ATP11A: variants seen among roughly 807,000 people sequenced by gnomAD.
ATP11A encodes the protein phospholipid-transporting ATPase IH.
Under a neutral mutation model 154.4 loss-of-function variants are expected in ATP11A, and 81 were observed. That is an observed-to-expected ratio of 0.52 (90% CI 0.44 to 0.63). The LOEUF (loss-of-function observed/expected upper bound fraction) is 0.63, where lower values mean the gene tolerates loss of function less well. ATP11A is among the 30% of genes least tolerant of loss of function. The pLI is 0.00. For synonymous variants in ATP11A, 623 were observed against 585.9 expected, an observed-to-expected ratio of 1.06 and a Z score of -0.91; for missense variants, 1,316 against 1,474.3, an observed-to-expected ratio of 0.89 and a Z score of 1.76.
rs543346107 is a variant in ATP11A, at chr13:112,862,540, G to A, written c.2956G>A (p.Val986Met). 74 of 1,614,052 alleles carry A rather than the reference G, an allele frequency of 4.6e-5. No homozygotes were observed. Among genetic ancestry groups the A allele is most frequent in the South Asian group, 3.8e-4 (35 of 91,090 alleles). The change falls in exon 25 of 30, where the codon GTG becomes ATG. Residue 986 changes from valine to methionine, a missense_variant. Val to Met is a conservative substitution (Grantham distance 21). Coordinates refer to ENST00000375645, the MANE Select transcript of ATP11A (RefSeq NM_015205.3). ...ALVFFFGAYF[V>M]FENTTVTSNG... is the part of the protein sequence containing the mutation. ...GGTGTTCTTCTTTGGTGCTTATTTCGTGTTTGAAAATACAACTGTGACAAG... is the reference window on the plus strand; with the variant it reads ...GGTGTTCTTCTTTGGTGCTTATTTCATGTTTGAAAATACAACTGTGACAAG...
At chr13:112,725,654 C>T (rs1209083036) in intron 1 of ATP11A, among the ~76,000 whole-genome samples, 1 of 152,204 alleles carries the variant, frequency 6.6e-6, no homozygotes, top group East Asian at 1.9e-4. Flanking sequence ...ACAGATGCAC[C>T]AGCCCTCCCA....
chr13:112,847,303 TTGC>T (rs2079637322), intron 17 of ATP11A, among the ~76,000 whole-genome samples: 1 of 152,268 alleles, frequency 6.6e-6, no homozygotes, highest in Non-Finnish European at 1.5e-5. Flanking sequence ...CTGGCTGTGC[TTGC>T]TGTCATATCG....
In ATP11A at chr13:112,885,369, C is replaced by G. The variant is rs1566616511; in HGVS notation, c.*3503C>G. On this transcript the variant is annotated 3_prime_UTR_variant, in exon 30 of 30. Coordinates refer to ENST00000375645, the MANE Select transcript of ATP11A (RefSeq NM_015205.3). ...ACACACACACGCACACGTACATTCA[C>G]TACAAACGTGCAGCCTCCTGCACAC... The G allele has an allele frequency of 1.3e-5, 2 of 152,084 alleles. No individual in the cohort carries two copies. The highest frequency in any genetic ancestry group is 2.9e-5 in the Non-Finnish European group (2 of 68,066). 9.4% of individuals were successfully genotyped at this position (152,084 alleles called of 1,614,324 possible).
chr13:112,850,392 C>G (rs1204184246), intron 17 of ATP11A, among the ~76,000 whole-genome samples: 1 of 152,192 alleles, frequency 6.6e-6, no homozygotes, highest in Non-Finnish European at 1.5e-5. Flanking sequence ...TAAACCGCCC[C>G]CTGTGTGGCT....
At chr13:112,797,041 A>G (rs537611409) in intron 2 of ATP11A, among the ~76,000 whole-genome samples, 1 of 152,286 alleles carries the variant, frequency 6.6e-6, no homozygotes, top group South Asian at 2.1e-4. Flanking sequence ...TGGGCAGATC[A>G]CCTGAGGTCA....
chr13:112,748,158 A>C (rs1379226140), intron 1 of ATP11A, among the ~76,000 whole-genome samples: 1 of 152,138 alleles, frequency 6.6e-6, no homozygotes, highest in Admixed American at 6.5e-5. Flanking sequence ...AAGGTATCTC[A>C]TGATGCATAT....
chr13:112,753,101 C>T lies in ATP11A; in HGVS notation c.40-32034C>T, dbSNP rs887916280. 6.6e-6 allele frequency among the ~76,000 whole-genome samples: 1 copy of T among 152,176 alleles called. No homozygotes were observed. Among genetic ancestry groups the T allele is most frequent in the East Asian group, 1.9e-4 (1 of 5,198 alleles). ...GAGTCAGTGTTCCCAATGACATATA[C>T]GGTGGCTTACAGTTACCCCGGCCCA... is the stretch of plus-strand genomic sequence containing the variant. On this transcript the variant is annotated intron_variant, in intron 1 of 29. Transcript: ENST00000375645. This position sits in a 1 kb window ranked among gnomAD's most constrained non-coding sequence, Gnocchi z 4.1.
At chr13:112,714,889 C>G (rs1888246618) in intron 1 of ATP11A, among the ~76,000 whole-genome samples, 1 of 152,226 alleles carries the variant, frequency 6.6e-6, no homozygotes, top group South Asian at 2.1e-4. Context: ...CCCCGCAGAA[C>G]TTCCGCTTCT....
chr13:112,833,171 T>A lies in ATP11A; in HGVS notation c.1559+148T>A, dbSNP rs908162383. 3 of 1,003,266 alleles carry A rather than the reference T, an allele frequency of 3.0e-6. No homozygotes were observed. The Admixed American group carries it at 8.3e-5, about 28-fold the overall frequency. 62.1% of individuals were successfully genotyped at this position (1,003,266 alleles called of 1,614,324 possible). On this transcript the variant is annotated intron_variant, in intron 14 of 29. Coordinates refer to ENST00000375645, the MANE Select transcript of ATP11A (RefSeq NM_015205.3). ...GTGCTGCCTTTGCACCCAGCTTCTC[T>A]GGACCCCCGTCCCTGTATGAGCCCC...
At chr13:112,726,035 T>C in intron 1 of ATP11A, among the ~76,000 whole-genome samples, 1 of 152,256 alleles carries the variant, frequency 6.6e-6, no homozygotes, top group Non-Finnish European at 1.5e-5. Context: ...CGACTCTGCT[T>C]CTGTAAACGC....
intron 1 of ATP11A, among the ~76,000 whole-genome samples, chr13:112,725,588 C>A (rs1889761777): frequency 6.6e-6 from 1 of 152,178 alleles, no homozygotes; most frequent in Admixed American, 6.5e-5. Context: ...CTCTAACGAC[C>A]AAGTGTGGGA....
rs761351728 is a variant in ATP11A at position 112,862,611 on chromosome 13, T to C, written c.2991+36T>C. The C allele has an allele frequency of 2.5e-6, 4 of 1,613,496 alleles. No individual in the cohort carries two copies. The South Asian group carries it at 3.3e-5, about 13-fold the overall frequency. ...AGCTCGATTGCGCTGACTTAGCTGC[T>C]TAGGAATAAAGCCTCCCAAGCCCAT... On this transcript the variant is annotated intron_variant, in intron 25 of 29. Coordinates refer to ENST00000375645, the MANE Select transcript of ATP11A (RefSeq NM_015205.3).
intron 1 of ATP11A, among the ~76,000 whole-genome samples, chr13:112,692,264 C>T (rs374895347): frequency 2.6e-4 from 39 of 152,322 alleles, no homozygotes; most frequent in African/African-American, 8.4e-4. Flanking sequence ...CAGTTCATTC[C>T]GTTCCCTTCT....
chr13:112,860,844 T>G (rs190771035), intron 24 of ATP11A: 73 of 154,770 alleles, frequency 4.7e-4, no homozygotes, highest in African/African-American at 1.6e-3. Flanking sequence ...TTAAAAATAA[T>G]ATGGAAGAGA....
chr13:112,872,310 G>C (rs1476794990), intron 26 of ATP11A, among the ~76,000 whole-genome samples: 3 of 152,174 alleles, frequency 2.0e-5, no homozygotes, highest in Non-Finnish European at 4.4e-5. Context: ...AACAACACCT[G>C]ACTCTAAAGT....
chr13:112,723,551 C>A (rs892746654), intron 1 of ATP11A, among the ~76,000 whole-genome samples: 7 of 150,936 alleles, frequency 4.6e-5, no homozygotes, highest in Non-Finnish European at 1.0e-4. Flanking sequence ...GGATTACAGG[C>A]GTGAGCCACC....
At chr13:112,871,874 G>A in intron 26 of ATP11A, 74 bp downstream of exon 26, 2 of 1,448,014 alleles carry the variant, frequency 1.4e-6, no homozygotes, top group Non-Finnish European at 1.9e-6. Context: ...CGCGCTCTGA[G>A]CTCTCTGAAT....
intron 1 of ATP11A, among the ~76,000 whole-genome samples, chr13:112,725,030 T>G (rs999603845): frequency 1.3e-5 from 2 of 152,196 alleles, no homozygotes; most frequent in African/African-American, 4.8e-5. Context: ...GTGGATTGTC[T>G]GTGGGCCCGG....
chr13:112,757,030 T>C (rs2076857305), intron 1 of ATP11A, among the ~76,000 whole-genome samples: 1 of 152,272 alleles, frequency 6.6e-6, no homozygotes, highest in Non-Finnish European at 1.5e-5. Context: ...TAGTCCACAT[T>C]GATGTGAGCA....
Sources: allele counts gnomAD v4.1 joint callset (sites outside exome capture counted in the v4.1 genomes callset), GRCh38; gene constraint gnomAD v4.1.1; non-coding constraint Gnocchi (gnomAD v3.1); transcripts MANE v1.5; gene names NCBI Gene and HGNC (gene_info 2026-07-23, HGNC 2026-07-21).